Variants in KCNJ6 observed in about 807,000 individuals in gnomAD.
The protein encoded by KCNJ6 is potassium inwardly rectifying channel subfamily J member 6, also known as G protein-activated inward rectifier potassium channel 2.
Under a neutral mutation model 34.2 loss-of-function variants are expected in KCNJ6, and 9 were observed. The ratio of observed to expected loss-of-function variants is 0.26; its 90% CI spans 0.16 to 0.46. The LOEUF is 0.46. Ranked by LOEUF, KCNJ6 falls within the 20% of genes least tolerant of loss-of-function variation. KCNJ6 has a pLI of 1.00. For synonymous variants in KCNJ6, 196 were observed against 207.1 expected, an observed-to-expected ratio of 0.95 and a Z score of 0.46; for missense variants, 236 against 531.3, an observed-to-expected ratio of 0.44 and a Z score of 5.46.
chr21:37,894,601 T>G (rs1003679362), intron 1 of KCNJ6, among the ~76,000 whole-genome samples: 4 of 151,992 alleles, frequency 2.6e-5, no homozygotes, highest in Admixed American at 6.6e-5. Context: ...GAGGCGGAGG[T>G]TGCAATGAGC....
chr21:37,764,159 G>T (rs1455352986), intron 2 of KCNJ6, among the ~76,000 whole-genome samples: 1 of 152,174 alleles, frequency 6.6e-6, no homozygotes, highest in Non-Finnish European at 1.5e-5. Flanking sequence ...TTGGACTATG[G>T]TGAGTGAGAT....
intron 2 of KCNJ6, among the ~76,000 whole-genome samples, chr21:37,833,748 C>A (rs1601493112): frequency 1.3e-5 from 2 of 152,208 alleles, no homozygotes; most frequent in African/African-American, 4.8e-5. Context: ...CACTGATATA[C>A]ACACACCTGC....
In KCNJ6 at chr21:37,726,953, G is replaced by A. The variant is rs76251676; in HGVS notation, c.26-11822C>T. On this transcript the variant is annotated intron_variant, in intron 2 of 3. Coordinates refer to ENST00000609713, the MANE Select transcript of KCNJ6 (RefSeq NM_002240.5). ...TAGGGTCTTTGCAGATATAAATAAGGTAGGGGTCAATATATGATCATATGG... is the reference window on the plus strand; with the variant it reads ...TAGGGTCTTTGCAGATATAAATAAGATAGGGGTCAATATATGATCATATGG... Among the ~76,000 whole-genome samples, 1,313 of 152,296 alleles carry A rather than the reference G, an allele frequency of 8.6e-3. 11 individuals are homozygous for A. Among genetic ancestry groups the A allele is most frequent in the Admixed American group, 0.023 (347 of 15,304 alleles).
At chr21:37,777,979 G>C (rs1345898193) in intron 2 of KCNJ6, among the ~76,000 whole-genome samples, 2 of 152,202 alleles carry the variant, frequency 1.3e-5, no homozygotes, top group African/African-American at 2.4e-5. Context: ...AGAGACCTGG[G>C]AGTGTTGCCT....
At chr21:37,900,653 C>A (rs920676573) in intron 1 of KCNJ6, among the ~76,000 whole-genome samples, 1 of 151,954 alleles carries the variant, frequency 6.6e-6, no homozygotes, top group African/African-American at 2.4e-5. Context: ...TGAGAAGGGG[C>A]AATTCTGGGT....
intron 1 of KCNJ6, among the ~76,000 whole-genome samples, chr21:37,876,623 A>G (rs1293932235): frequency 2.6e-5 from 4 of 152,080 alleles, no homozygotes; most frequent in African/African-American, 9.6e-5. Flanking sequence ...TATGTTATAT[A>G]TGTATATATG....
intron 2 of KCNJ6, among the ~76,000 whole-genome samples, chr21:37,770,316 G>C (rs1270917691): frequency 1.3e-5 from 2 of 151,852 alleles, no homozygotes. Flanking sequence ...GAGGGGCAGA[G>C]TGTGACCTGT....
At chr21:37,736,174 TG>T (rs2054911991) in intron 2 of KCNJ6, among the ~76,000 whole-genome samples, 1 of 140,602 alleles carries the variant, frequency 7.1e-6, no homozygotes, top group South Asian at 2.4e-4. Flanking sequence ...AGGCACCTCC[TG>T]TGTACCGAGC....
At chr21:37,772,950 G>A (rs2055124254) in intron 2 of KCNJ6, among the ~76,000 whole-genome samples, 1 of 152,192 alleles carries the variant, frequency 6.6e-6, no homozygotes, top group Non-Finnish European at 1.5e-5. Context: ...AGCCTGATGA[G>A]TTCATTTGAA....
intron 2 of KCNJ6, among the ~76,000 whole-genome samples, chr21:37,729,461 C>A (rs2054872993): frequency 6.6e-6 from 1 of 152,072 alleles, no homozygotes; most frequent in Non-Finnish European, 1.5e-5. Flanking sequence ...GTAGCTGGGA[C>A]TATAGGCACG....
At chr21:37,646,065 G>A (rs1234559246) in intron 3 of KCNJ6, among the ~76,000 whole-genome samples, 7 of 152,080 alleles carry the variant, frequency 4.6e-5, no homozygotes, top group African/African-American at 1.2e-4. Context: ...GTACATCCTC[G>A]TAAATGTATG....
intron 3 of KCNJ6, among the ~76,000 whole-genome samples, chr21:37,646,823 A>G (rs568240334): frequency 6.6e-6 from 1 of 152,076 alleles, no homozygotes; most frequent in African/African-American, 2.4e-5. Context: ...GGCGCCTGCC[A>G]CCACGCCCGG....
At chr21:37,726,666 T>C (rs2054856680) in intron 2 of KCNJ6, among the ~76,000 whole-genome samples, 1 of 152,176 alleles carries the variant, frequency 6.6e-6, no homozygotes, top group Non-Finnish European at 1.5e-5. Flanking sequence ...AATCTCTGAG[T>C]TGTAAGTTTC....
chr21:37,678,953 T>G (rs1332901155), intron 3 of KCNJ6, among the ~76,000 whole-genome samples: 1 of 152,224 alleles, frequency 6.6e-6, no homozygotes, highest in Non-Finnish European at 1.5e-5. Context: ...GTAACTCATT[T>G]CTGTTAAATA....
chr21:37,775,141 A>G (rs1458405932), intron 2 of KCNJ6, among the ~76,000 whole-genome samples: 3 of 152,214 alleles, frequency 2.0e-5, no homozygotes, highest in Non-Finnish European at 4.4e-5. Flanking sequence ...GGCTGCATAA[A>G]TGTCTTCTTT....
At chr21:37,803,870 AG>A (rs1157597613) in intron 2 of KCNJ6, among the ~76,000 whole-genome samples, 1 of 152,152 alleles carries the variant, frequency 6.6e-6, no homozygotes. Context: ...TCATGGGACC[AG>A]GGACACTGGA....
At chr21:37,909,608 G>C (rs2055857743) in intron 1 of KCNJ6, among the ~76,000 whole-genome samples, 1 of 152,140 alleles carries the variant, frequency 6.6e-6, no homozygotes. Flanking sequence ...GGCCTCAAGG[G>C]ATCCACCTGA....
chr21:37,761,374 TTGTG>T (rs926140358), intron 2 of KCNJ6, among the ~76,000 whole-genome samples: 3 of 151,268 alleles, frequency 2.0e-5, no homozygotes, highest in Non-Finnish European at 4.4e-5. Context: ...GTGTGTATAT[TTGTG>T]TGTGTTGTAT....
At position 37,608,961 on chromosome 21, in the gene KCNJ6, C is replaced by T. The variant is rs954568549; in HGVS notation, c.*16198G>A. The T allele has an allele frequency of 1.3e-5, 2 of 152,134 alleles. No individual in the cohort carries two copies. The highest frequency in any genetic ancestry group is 6.5e-5 in the Admixed American group (1 of 15,272). 9.4% of individuals were successfully genotyped at this position (152,134 alleles called of 1,614,324 possible). ...TTTTGTCCTTGTCTAGTTTTAGTTG[C>T]CTGTTGGGATCCCTGAGTATAAAAA... On this transcript the variant is annotated 3_prime_UTR_variant, in exon 4 of 4. Transcript: ENST00000609713.
Sources: allele counts gnomAD v4.1 joint callset (sites outside exome capture counted in the v4.1 genomes callset), GRCh38; gene constraint gnomAD v4.1.1; transcripts MANE v1.5; gene names NCBI Gene and HGNC (gene_info 2026-07-23, HGNC 2026-07-21).